Variants in ADSS2 observed in about 807,000 individuals in gnomAD.
The protein encoded by ADSS2 is adenylosuccinate synthase 2.
In ADSS2, 30 loss-of-function variants were observed where a neutral mutation model predicts 60.0. That is an observed-to-expected ratio of 0.50 (90% CI 0.37 to 0.68). ADSS2 has a LOEUF of 0.68. Among genes scored for constraint, ADSS2 ranks in the 30% least tolerant of loss-of-function variants. ADSS2 has a pLI of 0.00. For missense variants in ADSS2, 373 were observed against 554.8 expected (o/e 0.67, Z 3.29); for synonymous variants, 187 against 193.1 (o/e 0.97, Z 0.26).
chr1:244,448,929 T>C (rs2148017662), intron 1 of ADSS2, among the ~76,000 whole-genome samples: 1 of 152,334 alleles, frequency 6.6e-6, no homozygotes, highest in South Asian at 2.1e-4. Context: ...CCCCTGCAGA[T>C]ACTCAATGTT....
chr1:244,434,951 G>A (rs1264967120), intron 3 of ADSS2, among the ~76,000 whole-genome samples: 2 of 151,884 alleles, frequency 1.3e-5, no homozygotes, highest in Non-Finnish European at 1.5e-5. Flanking sequence ...GGTGGATCAC[G>A]AAGTCAGGAG....
chr1:244,416,508 C>A (rs193176931), intron 10 of ADSS2, among the ~76,000 whole-genome samples: 60 of 152,222 alleles, frequency 3.9e-4, no homozygotes, highest in African/African-American at 1.4e-3. Context: ...TTTGTAGAGA[C>A]AGGGTCTCAC....
At chr1:244,441,559 C>T (rs1406700087) in intron 1 of ADSS2, among the ~76,000 whole-genome samples, 1 of 152,014 alleles carries the variant, frequency 6.6e-6, no homozygotes, top group Non-Finnish European at 1.5e-5. Context: ...CCAAGCAGGC[C>T]TTGAATTCCT....
rs1431400119 is a variant in ADSS2 at position 244,414,630 on chromosome 1, T to C, written c.1168+1351A>G. 2.0e-5 allele frequency among the ~76,000 whole-genome samples: 3 copies of C among 152,282 alleles called. No homozygotes were observed. The East Asian group carries it at 5.8e-4, about 29-fold the overall frequency. On this transcript the variant is annotated intron_variant, in intron 11 of 12. Coordinates refer to ENST00000366535, the MANE Select transcript of ADSS2 (RefSeq NM_001126.5). ...ACTCCACTAACCTTCCTCTTATAAG[T>C]TTCCCTAGGAAAGACAACAACCAGA...
At chr1:244,413,828 A>T (rs1664471112) in intron 11 of ADSS2, among the ~76,000 whole-genome samples, 3 of 152,166 alleles carry the variant, frequency 2.0e-5, no homozygotes. Context: ...GCACTGCTGG[A>T]TTGAAGAGAT....
chr1:244,439,793 GTGCTGGCTAGGCT>G (rs1230235282), intron 1 of ADSS2, among the ~76,000 whole-genome samples: 2 of 152,232 alleles, frequency 1.3e-5, no homozygotes, highest in African/African-American at 4.8e-5. Context: ...ACTTTAGCCT[GTGCTGGCTAGGCT>G]TGCTGGAACT....
At position 244,432,606 on chromosome 1, in the gene ADSS2, GA is replaced by G; in HGVS notation, c.356-12del. The G allele has an allele frequency of 6.7e-7, 1 of 1,486,732 alleles. No homozygotes were observed. Among genetic ancestry groups the G allele is most frequent in the Non-Finnish European group, 9.1e-7 (1 of 1,096,482 alleles). 92.1% of individuals were successfully genotyped at this position (1,486,732 alleles called of 1,614,324 possible). A position where few individuals can be genotyped will look rare whatever the true frequency, so the allele number is the denominator to read the frequency against. On this transcript the variant is annotated splice_polypyrimidine_tract_variant and intron_variant, in intron 3 of 12. Transcript: ENST00000366535. ...CCCAGCCTTCTAGTCCTAGAAAGGG[GA>G]AAAAGATATATTTAATTGAATATTT... is the stretch of plus-strand genomic sequence containing the variant.
At position 244,451,104 on chromosome 1, in the gene ADSS2, C is replaced by T. The variant is rs1004395027; in HGVS notation, c.183+531G>A. On this transcript the variant is annotated intron_variant, in intron 1 of 12. Transcript: ENST00000366535. This position sits in a 1 kb window ranked among gnomAD's most constrained non-coding sequence, Gnocchi z 6.6. ...GTGGACCAGAGGAAGCAAAGCACTGCATGCCACGGTCCTGCAGATGGGGGA... is the reference window on the plus strand; with the variant it reads ...GTGGACCAGAGGAAGCAAAGCACTGTATGCCACGGTCCTGCAGATGGGGGA... Among the ~76,000 whole-genome samples, 2 of 152,336 alleles carry T rather than the reference C, an allele frequency of 1.3e-5. No individual in the cohort carries two copies. The highest frequency in any genetic ancestry group is 1.3e-4 in the Admixed American group (2 of 15,310).
At chr1:244,436,915 C>T (rs1665116143) in intron 2 of ADSS2, 22 bp from the exon 3 acceptor site, 1 of 1,597,902 alleles carries the variant, frequency 6.3e-7, no homozygotes, top group Non-Finnish European at 8.6e-7. Flanking sequence ...CCAACAAATC[C>T]CAACGGTAAA....
chr1:244,416,282 T>C (rs557561189), intron 10 of ADSS2, among the ~76,000 whole-genome samples: 3 of 152,330 alleles, frequency 2.0e-5, no homozygotes, highest in South Asian at 4.1e-4. Context: ...TTGCTAGTAA[T>C]TGTAACAGAT....
intron 1 of ADSS2, among the ~76,000 whole-genome samples, chr1:244,446,156 G>A (rs1479480277): frequency 6.6e-6 from 1 of 152,154 alleles, no homozygotes; most frequent in Non-Finnish European, 1.5e-5. Flanking sequence ...TGGAGTCAAT[G>A]CTTATTATCT....
intron 3 of ADSS2, 65 bp from the exon 4 acceptor site, chr1:244,432,660 C>CTT (rs532312490): frequency 0.14 from 51,477 of 378,926 alleles, 4,583 homozygotes; most frequent in African/African-American, 0.3. Flanking sequence ...ATCTTAATTT[C>CTT]TTTTTTTTTT....
chr1:244,451,502 G>A lies in ADSS2; in HGVS notation c.183+133C>T. Reference sequence around the variant, plus strand: ...TCCACGTAGCCGCAGCTCAGGACAGGAGGAGAGAGCCTCAAGGTGACACCT... The same window carrying A: ...TCCACGTAGCCGCAGCTCAGGACAGAAGGAGAGAGCCTCAAGGTGACACCT... On this transcript the variant is annotated intron_variant, in intron 1 of 12. Coordinates refer to ENST00000366535, the MANE Select transcript of ADSS2 (RefSeq NM_001126.5). The surrounding 1 kb of genome is among the most constrained non-coding windows in gnomAD (Gnocchi z 6.6). The A allele has an allele frequency of 1.0e-6, 1 of 1,002,788 alleles. No homozygotes were observed. 62.1% of individuals were successfully genotyped at this position (1,002,788 alleles called of 1,614,324 possible).
At chr1:244,445,506 G>T (rs537140238) in intron 1 of ADSS2, among the ~76,000 whole-genome samples, 1 of 152,154 alleles carries the variant, frequency 6.6e-6, no homozygotes, top group African/African-American at 2.4e-5. Flanking sequence ...AAGGAAGTCG[G>T]AAGACAAGTG....
At chr1:244,411,526 A>G in intron 11 of ADSS2, 90 bp from the exon 12 acceptor site, 30 of 1,341,294 alleles carry the variant, frequency 2.2e-5, no homozygotes, top group Non-Finnish European at 2.9e-5. Flanking sequence ...ATGTCTTTTC[A>G]AAATCTTTGG....
intron 10 of ADSS2, among the ~76,000 whole-genome samples, 197 bp from the exon 11 acceptor site, chr1:244,416,275 C>T (rs1348242907): frequency 6.6e-6 from 1 of 152,214 alleles, no homozygotes; most frequent in Non-Finnish European, 1.5e-5. Flanking sequence ...AGTTACTTTG[C>T]TAGTAATTGT....
At chr1:244,446,882 CAA>C (rs1048873139) in intron 1 of ADSS2, among the ~76,000 whole-genome samples, 1 of 151,944 alleles carries the variant, frequency 6.6e-6, no homozygotes, top group South Asian at 2.1e-4. Context: ...GATTTCAAGT[CAA>C]AAAAGTTTTC....
chr1:244,451,612 C>A lies in ADSS2; in HGVS notation c.183+23G>T. On this transcript the variant is annotated intron_variant, in intron 1 of 12. Coordinates refer to ENST00000366535, the MANE Select transcript of ADSS2 (RefSeq NM_001126.5). This position sits in a 1 kb window ranked among gnomAD's most constrained non-coding sequence, Gnocchi z 6.6. ...GCCCGAGCTCCCGGGCCCGGCTTCC[C>A]ATGAGAGGCCCCGTCGCCTCACCTG... 2 of 1,594,592 alleles carry A rather than the reference C, an allele frequency of 1.3e-6. No individual in the cohort carries two copies. The highest frequency in any genetic ancestry group is 8.5e-7 in the Non-Finnish European group (1 of 1,169,606).
Position 244,420,270 on chromosome 1 carries a change from C to T in ADSS2, c.690G>A (p.Met230Ile). Reference protein sequence around the residue: ...LKGYMEKIKPMVRDGVYFLYE... With the variant: ...LKGYMEKIKPIVRDGVYFLYE... ...ATAGAAAATAAACTCCATCTCTCAC[C>T]ATTGGTTTAATCTTTTCCATATAAC... The change falls in exon 8 of 13, where the codon ATG (methionine) becomes ATA (isoleucine). Residue 230 changes from methionine to isoleucine, a missense_variant. Coordinates refer to ENST00000366535, the MANE Select transcript of ADSS2 (RefSeq NM_001126.5). 1 of 1,613,172 alleles carries T rather than the reference C, an allele frequency of 6.2e-7. No individual in the cohort carries two copies. The highest frequency in any genetic ancestry group is 8.5e-7 in the Non-Finnish European group (1 of 1,179,526).
Sources: gnomAD v4.1 joint callset for allele counts (sites outside exome capture counted in the v4.1 genomes callset) on GRCh38, gnomAD v4.1.1 for gene constraint, Gnocchi (gnomAD v3.1) non-coding constraint, MANE v1.5 for transcripts, NCBI Gene and HGNC (gene_info 2026-07-23, HGNC 2026-07-21) for gene names.